The following UQCC1 variants were observed in gnomAD, a reference collection of about 807,000 sequenced individuals.
UQCC1 encodes ubiquinol-cytochrome c reductase complex assembly factor 1.
A neutral mutation model predicts 48.0 loss-of-function variants in UQCC1; 38 were observed. The observed-to-expected ratio is 0.79, with a 90% CI of 0.61 to 1.04. The LOEUF is 1.04. Among genes scored for constraint, UQCC1 ranks in the 50% least tolerant of loss-of-function variants. UQCC1 has a pLI of 0.00. For synonymous variants in UQCC1, 111 were observed against 129.2 expected, an observed-to-expected ratio of 0.86 and a Z score of 0.95; for missense variants, 368 against 381.8, an observed-to-expected ratio of 0.96 and a Z score of 0.30.
At chr20:35,331,442 A>T (rs1395122996) in intron 7 of UQCC1, among the ~76,000 whole-genome samples, 1 of 151,850 alleles carries the variant, frequency 6.6e-6, no homozygotes, top group African/African-American at 2.4e-5. Context: ...GCAGAGTAGG[A>T]GGTGTGAGAA....
chr20:35,332,989 G>A (rs2146351101), intron 7 of UQCC1, among the ~76,000 whole-genome samples: 1 of 152,128 alleles, frequency 6.6e-6, no homozygotes, highest in Middle Eastern at 3.4e-3. Context: ...TAAGTGACTT[G>A]TGCTTCTATC....
At chr20:35,375,438 TA>T (rs1428042674) in intron 4 of UQCC1, among the ~76,000 whole-genome samples, 1 of 152,100 alleles carries the variant, frequency 6.6e-6, no homozygotes, top group African/African-American at 2.4e-5. Context: ...GCTTCCAGTC[TA>T]AAGTTAATAC....
At chr20:35,390,959 G>A (rs951372726) in intron 2 of UQCC1, among the ~76,000 whole-genome samples, 22 of 152,108 alleles carry the variant, frequency 1.4e-4, no homozygotes, top group Non-Finnish European at 2.9e-4. Flanking sequence ...ACTTTGAGAG[G>A]TCGAGGTGGG....
At chr20:35,368,340 C>A (rs1386992059) in intron 5 of UQCC1, among the ~76,000 whole-genome samples, 1 of 152,156 alleles carries the variant, frequency 6.6e-6, no homozygotes, top group Non-Finnish European at 1.5e-5. Context: ...TCAATGAATC[C>A]TCCCAATAAC....
At chr20:35,407,563 A>C (rs1036786259) in intron 1 of UQCC1, among the ~76,000 whole-genome samples, 1 of 152,256 alleles carries the variant, frequency 6.6e-6, no homozygotes, top group Admixed American at 6.5e-5. Flanking sequence ...TGCAAATCAT[A>C]TATCTGATGA....
At chr20:35,331,392 C>T (rs1183492495) in intron 7 of UQCC1, among the ~76,000 whole-genome samples, 1 of 144,068 alleles carries the variant, frequency 6.9e-6, no homozygotes, top group African/African-American at 2.6e-5. Context: ...TTACAGCAGA[C>T]AGTTATTTAA....
chr20:35,350,679 G>C (rs1400713212), intron 6 of UQCC1, among the ~76,000 whole-genome samples: 2 of 151,836 alleles, frequency 1.3e-5, no homozygotes, highest in African/African-American at 4.8e-5. Flanking sequence ...GGGCGACAGA[G>C]TGAGATTCCA....
chr20:35,344,952 G>A (rs983063591), intron 7 of UQCC1: 1 of 152,214 alleles, frequency 6.6e-6, no homozygotes, highest in African/African-American at 2.4e-5. Flanking sequence ...TTAATCAGTT[G>A]TGCCTACATA....
At chr20:35,402,343 C>T (rs944584347) in intron 1 of UQCC1, among the ~76,000 whole-genome samples, 15 of 152,130 alleles carry the variant, frequency 9.9e-5, no homozygotes, top group Admixed American at 5.2e-4. Context: ...CTCTGGGAGG[C>T]CGAGGCAGGC....
At chr20:35,397,068 T>C (rs1238492978) in intron 1 of UQCC1, among the ~76,000 whole-genome samples, 1 of 151,866 alleles carries the variant, frequency 6.6e-6, no homozygotes, top group Non-Finnish European at 1.5e-5. Flanking sequence ...CATGGTGGCG[T>C]GTACCTGTAG....
chr20:35,310,666 A>AAAAAAAT (rs1200004845), intron 8 of UQCC1, among the ~76,000 whole-genome samples: 3 of 148,356 alleles, frequency 2.0e-5, no homozygotes, highest in Non-Finnish European at 4.5e-5. Context: ...AAAAAAAAAA[A>AAAAAAAT]AATTGGGAAG....
chr20:35,306,587 C>A, intron 9 of UQCC1, 79 bp downstream of exon 9: 4 of 1,099,990 alleles, frequency 3.6e-6, no homozygotes, highest in Non-Finnish European at 5.6e-6. Flanking sequence ...GGTAACTCCA[C>A]CTCTCATGAT....
intron 6 of UQCC1, among the ~76,000 whole-genome samples, chr20:35,362,622 G>A (rs2061618736): frequency 6.6e-6 from 1 of 152,126 alleles, no homozygotes; most frequent in African/African-American, 2.4e-5. Context: ...GCCTCCCAAA[G>A]TGCTGGGATT....
intron 1 of UQCC1, among the ~76,000 whole-genome samples, chr20:35,408,779 C>T (rs1438877806): frequency 6.6e-6 from 1 of 151,658 alleles, no homozygotes; most frequent in Non-Finnish European, 1.5e-5. Flanking sequence ...CACTTGAGCC[C>T]AGGAGGTCAA....
chr20:35,316,049 C>T (rs1051468163), intron 7 of UQCC1, among the ~76,000 whole-genome samples: 9 of 152,158 alleles, frequency 5.9e-5, no homozygotes, highest in African/African-American at 1.7e-4. Context: ...CAACTCTGAC[C>T]TCCAGACAGT....
chr20:35,401,399 T>C (rs1183902325), intron 1 of UQCC1, among the ~76,000 whole-genome samples: 1 of 151,916 alleles, frequency 6.6e-6, no homozygotes, highest in Non-Finnish European at 1.5e-5. Context: ...ATACGAAAAA[T>C]ATGGCACTAA....
chr20:35,411,087 T>C (rs1234684600), intron 1 of UQCC1, among the ~76,000 whole-genome samples: 1 of 152,184 alleles, frequency 6.6e-6, no homozygotes, highest in Non-Finnish European at 1.5e-5. Flanking sequence ...TGAAAAACAG[T>C]GTCTTTGACC....
chr20:35,411,812 G>T, intron 1 of UQCC1, 128 bp downstream of exon 1: 1 of 1,268,432 alleles, frequency 7.9e-7, no homozygotes, highest in Non-Finnish European at 1.1e-6. Context: ...CCACGGAAAA[G>T]CGGCCACTCA....
intron 7 of UQCC1, among the ~76,000 whole-genome samples, chr20:35,324,928 G>GA (rs1042187716): frequency 6.6e-6 from 1 of 152,156 alleles, no homozygotes; most frequent in Admixed American, 6.5e-5. Context: ...CCAAAAGGTG[G>GA]AAACAACCCA....
Sources: allele counts gnomAD v4.1 joint callset (sites outside exome capture counted in the v4.1 genomes callset), GRCh38; gene constraint gnomAD v4.1.1; transcripts MANE v1.5; gene names NCBI Gene and HGNC (gene_info 2026-07-23, HGNC 2026-07-21).